The following APPL2 variants were observed in gnomAD, a reference collection of about 807,000 sequenced individuals.
APPL2 encodes DCC-interacting protein 13-beta.
APPL2 carries 84 observed loss-of-function variants against 92.7 expected under a neutral mutation model. That is an observed-to-expected ratio of 0.91 (90% confidence interval 0.76 to 1.09). The LOEUF (loss-of-function observed/expected upper bound fraction) is 1.09. APPL2 is among the 50% of genes least tolerant of loss of function. The pLI is 0.00. For missense variants in APPL2, 736 were observed against 824.5 expected (o/e 0.89, Z 1.31); for synonymous variants, 291 against 291.0 (o/e 1.00, Z 0.00).
At position 105,176,069 on chromosome 12, in the gene APPL2, A is replaced by G. The variant is rs1339597725; in HGVS notation, c.1826T>C (p.Ile609Thr). 8 of 1,590,846 alleles carry G rather than the reference A, an allele frequency of 5.0e-6. No homozygotes were observed. The highest frequency in any genetic ancestry group is 6.8e-6 in the Non-Finnish European group (8 of 1,172,494). ...NSEGEKICYA[I>T]NLGKEIIEVQ... is the part of the protein sequence containing the mutation. ...CTCAATAATTTCTTTTCCCAAATTA[A>G]TAGCATAACATATCTGCAAAAGACA... The change falls in exon 20 of 21, where the codon ATT (isoleucine) becomes ACT (threonine). Residue 609 changes from isoleucine to threonine, a missense_variant. Physicochemically the swap from Ile to Thr is moderately conservative, Grantham distance 89. Transcript: ENST00000258530.
In APPL2 at chr12:105,177,850, G is replaced by A. The variant is rs114544389; in HGVS notation, c.1635-588C>T. On this transcript the variant is annotated intron_variant, in intron 17 of 20. Coordinates refer to ENST00000258530, the MANE Select transcript of APPL2 (RefSeq NM_018171.5). Reference sequence around the variant, plus strand: ...CTGTCACACAGGCTGGAGTGCAGCAGCCCAGTCTTGGCTCACTGCAACCTC... The same window carrying A: ...CTGTCACACAGGCTGGAGTGCAGCAACCCAGTCTTGGCTCACTGCAACCTC... Among the ~76,000 whole-genome samples, 590 of 152,286 alleles carry A rather than the reference G, an allele frequency of 3.9e-3. 2 individuals are homozygous for A. Among genetic ancestry groups the A allele is most frequent in the African/African-American group, 0.014 (563 of 41,554 alleles).
intron 1 of APPL2, chr12:105,229,639 T>A: frequency 1.0e-6 from 1 of 993,236 alleles, no homozygotes; most frequent in Non-Finnish European, 1.2e-6. Context: ...TGGGGTGTGG[T>A]CATCTAGCAC....
At chr12:105,210,146 G>C (rs561758808) in intron 5 of APPL2, among the ~76,000 whole-genome samples, 1 of 152,104 alleles carries the variant, frequency 6.6e-6, no homozygotes, top group Admixed American at 6.5e-5. Flanking sequence ...AGTTTTAGTA[G>C]AGACGAGGTT....
At chr12:105,200,864 GTATCTATCTATCTATCTATCTATCTATC>G (rs202172435) in intron 9 of APPL2, among the ~76,000 whole-genome samples, 1 of 134,972 alleles carries the variant, frequency 7.4e-6, no homozygotes, top group South Asian at 2.3e-4. Flanking sequence ...ATGTATGTAT[GTATCTATCTATCTATCTATCTATCTATC>G]TATCTATCTA....
intron 1 of APPL2, among the ~76,000 whole-genome samples, chr12:105,231,031 C>T (rs1008045940): frequency 2.6e-5 from 4 of 152,174 alleles, no homozygotes; most frequent in Non-Finnish European, 5.9e-5. Context: ...CAATATTTAT[C>T]GATAATATGC....
intron 1 of APPL2, among the ~76,000 whole-genome samples, chr12:105,230,693 C>T (rs889102521): frequency 1.9e-4 from 29 of 152,198 alleles, no homozygotes; most frequent in Non-Finnish European, 4.0e-4. Context: ...ATCATTACCT[C>T]CCACCACACA....
intron 7 of APPL2, 57 bp downstream of exon 7, chr12:105,207,914 A>C: frequency 6.8e-7 from 1 of 1,465,822 alleles, no homozygotes; most frequent in Non-Finnish European, 9.6e-7. Flanking sequence ...CACAAGAGGA[A>C]GGCATGAAAG....
rs1039726349 is a variant in APPL2 at position 105,214,856 on chromosome 12, G to C, written c.285+2213C>G. On this transcript the variant is annotated intron_variant, in intron 4 of 20. Transcript: ENST00000258530. The stretch of plus-strand genomic sequence containing the variant: ...GCCCCCATCTTCCAGGAACGGGAGA[G>C]AGCTGGAGGTTGATCACATCTATGT... 2.6e-5 allele frequency among the ~76,000 whole-genome samples: 4 copies of C among 152,206 alleles called. No individual in the cohort carries two copies. In the East Asian group the frequency reaches 7.7e-4, roughly 29 times the overall value.
intron 2 of APPL2, among the ~76,000 whole-genome samples, chr12:105,228,881 A>T (rs920428467): frequency 2.0e-5 from 3 of 152,206 alleles, no homozygotes; most frequent in Non-Finnish European, 4.4e-5. Flanking sequence ...TTAAAAAAAA[A>T]AATTAGGAGC....
chr12:105,230,297 C>T (rs1256588745), intron 1 of APPL2, among the ~76,000 whole-genome samples: 2 of 152,116 alleles, frequency 1.3e-5, no homozygotes, highest in African/African-American at 4.8e-5. Context: ...CATTTTCATC[C>T]ACGGTGCTCA....
chr12:105,224,518 T>C (rs1020157525), intron 2 of APPL2, among the ~76,000 whole-genome samples: 1 of 152,192 alleles, frequency 6.6e-6, no homozygotes, highest in African/African-American at 2.4e-5. Context: ...AACGCAGGCT[T>C]TGCAGTCAAA....
At chr12:105,208,616 ATT>A (rs951875476) in intron 5 of APPL2, among the ~76,000 whole-genome samples, 15 of 152,346 alleles carry the variant, frequency 9.8e-5, no homozygotes, top group African/African-American at 3.6e-4. Flanking sequence ...CTGTGTTGCC[ATT>A]TTAATATCTG....
At chr12:105,226,214 A>G (rs1202369089) in intron 2 of APPL2, among the ~76,000 whole-genome samples, 1 of 152,262 alleles carries the variant, frequency 6.6e-6, no homozygotes, top group Non-Finnish European at 1.5e-5. Context: ...TCTTTCTTCA[A>G]TTAAAAACAA....
At chr12:105,185,419 G>T (rs2135919496) in intron 17 of APPL2, among the ~76,000 whole-genome samples, 1 of 152,300 alleles carries the variant, frequency 6.6e-6, no homozygotes, top group East Asian at 1.9e-4. Context: ...TGGTCTGCGG[G>T]CTGCAAAGAC....
chr12:105,220,041 ACT>A (rs1476447410), intron 2 of APPL2, among the ~76,000 whole-genome samples: 5 of 152,222 alleles, frequency 3.3e-5, no homozygotes, highest in African/African-American at 7.2e-5. Context: ...CTAATTAATA[ACT>A]CTATTTTATA....
In APPL2 at chr12:105,208,108, G is replaced by A. The variant is rs781515819; in HGVS notation, c.415+50C>T. On this transcript the variant is annotated intron_variant, in intron 6 of 20. Transcript: ENST00000258530. The stretch of plus-strand genomic sequence containing the variant: ...AACATTCATTGGGGGTCTCCTCCCC[G>A]CCACAGTAAGCCCACACACCCACAC... The A allele has an allele frequency of 2.2e-5, 36 of 1,613,218 alleles. No homozygotes were observed. Among genetic ancestry groups the A allele is most frequent in the Non-Finnish European group, 2.9e-5 (34 of 1,179,298 alleles).
chr12:105,175,365 T>C (rs12316054), intron 20 of APPL2, among the ~76,000 whole-genome samples: 14,828 of 152,322 alleles, frequency 0.097, 795 homozygotes, highest in East Asian at 0.23. Context: ...TCTCCAAGAC[T>C]GAACTGCACT....
At chr12:105,186,669 T>TATG (rs565567863) in intron 17 of APPL2, among the ~76,000 whole-genome samples, 1 of 64,536 alleles carries the variant, frequency 1.5e-5, no homozygotes, top group African/African-American at 5.4e-5. Context: ...ATATATCATA[T>TATG]ATATGATATA....
At chr12:105,197,984 T>C in intron 10 of APPL2, 31 bp from the exon 11 acceptor site, 1 of 1,601,186 alleles carries the variant, frequency 6.2e-7, no homozygotes, top group Non-Finnish European at 8.5e-7. Context: ...AGCCCATTAG[T>C]ACCAGAAAGC....
Sources: allele counts gnomAD v4.1 joint callset (sites outside exome capture counted in the v4.1 genomes callset), GRCh38; gene constraint gnomAD v4.1.1; transcripts MANE v1.5; gene names NCBI Gene and HGNC (gene_info 2026-07-23, HGNC 2026-07-21).